Variants in ITM2B observed in about 807,000 individuals in gnomAD.
ITM2B encodes ABri/ADan amyloid peptide.
ITM2B carries 11 observed loss-of-function variants against 27.8 expected under a neutral mutation model. The observed-to-expected ratio is 0.40, with a 90% CI of 0.25 to 0.66. The LOEUF is 0.66. Among genes scored for constraint, ITM2B ranks in the 30% least tolerant of loss-of-function variants. ITM2B has a pLI of 0.43. For missense variants in ITM2B, 296 were observed against 328.9 expected (o/e 0.90, Z 0.77); for synonymous variants, 114 against 114.3 (o/e 1.00, Z 0.02).
intron 5 of ITM2B, among the ~76,000 whole-genome samples, chr13:48,260,766 A>T (rs1195109668): frequency 6.6e-6 from 1 of 152,110 alleles, no homozygotes; most frequent in Non-Finnish European, 1.5e-5. Flanking sequence ...AATTTTTTTT[A>T]AAGTCAGCCT....
intron 1 of ITM2B, among the ~76,000 whole-genome samples, chr13:48,250,884 G>A (rs549438621): frequency 5.9e-5 from 9 of 152,214 alleles, no homozygotes; most frequent in Non-Finnish European, 1.2e-4. Flanking sequence ...TGATGGTGGT[G>A]CATAGGTTTG....
At chr13:48,261,042 A>T (rs1951818709) in intron 5 of ITM2B, 97 bp from the exon 6 acceptor site, 2 of 817,086 alleles carry the variant, frequency 2.4e-6, no homozygotes, top group African/African-American at 3.5e-5. Context: ...TATAGAGTGA[A>T]ATACTTCTAT....
intron 2 of ITM2B, among the ~76,000 whole-genome samples, chr13:48,255,278 C>T (rs868012855): frequency 2.6e-5 from 4 of 151,646 alleles, no homozygotes; most frequent in African/African-American, 7.3e-5. Flanking sequence ...CGTGCGCGCA[C>T]GTGTACATGT....
rs1951861785 is a variant in ITM2B at position 48,267,902 on chromosome 13, G to A, written c.*6678G>A. On this transcript the variant is annotated 3_prime_UTR_variant, in exon 6 of 6. Coordinates refer to ENST00000647800, the MANE Select transcript of ITM2B (RefSeq NM_021999.5). ...TAACCCTTCAGTTTGCTCATATTTT[G>A]TTGTGAGTTTTATAGATAGTTTACA... 6.6e-6 allele frequency: 1 copy of A among 152,058 alleles called. No individual in the cohort carries two copies. The highest frequency in any genetic ancestry group is 1.5e-5 in the Non-Finnish European group (1 of 68,008). 9.4% of individuals were successfully genotyped at this position (152,058 alleles called of 1,614,324 possible).
Position 48,261,269 on chromosome 13 carries a change from A to G in ITM2B, c.*45A>G. The G allele has an allele frequency of 7.9e-7, 1 of 1,267,240 alleles. No homozygotes were observed. The highest frequency in any genetic ancestry group is 1.2e-6 in the Non-Finnish European group (1 of 865,312). 78.5% of individuals were successfully genotyped at this position (1,267,240 alleles called of 1,614,324 possible). A position where few individuals can be genotyped will look rare whatever the true frequency, so the allele number is the denominator to read the frequency against. On this transcript the variant is annotated 3_prime_UTR_variant, in exon 6 of 6. Transcript: ENST00000647800. ...TTGAGGAAAATTAATATCACAGCAT[A>G]ACCCCACCCTTTACATTTTGTGCAG...
chr13:48,233,264 C>T lies in ITM2B; in HGVS notation c.-97C>T, dbSNP rs532372951. The T allele has an allele frequency of 2.8e-6, 2 of 722,794 alleles. No homozygotes were observed. The highest frequency in any genetic ancestry group is 3.9e-5 in the South Asian group (2 of 51,248). 44.8% of individuals were successfully genotyped at this position (722,794 alleles called of 1,614,324 possible). A position where few individuals can be genotyped will look rare whatever the true frequency, so the allele number is the denominator to read the frequency against. ...ACCTCTTCAGCCGCCCGGAGCCGCT[C>T]CCGGAGCCCGGCCGTAGAGGCTGCA... On this transcript the variant is annotated 5_prime_UTR_variant, in exon 1 of 6. Transcript: ENST00000647800.
chr13:48,255,493 C>T (rs1222704733), intron 2 of ITM2B, among the ~76,000 whole-genome samples: 1 of 151,060 alleles, frequency 6.6e-6, no homozygotes, highest in Non-Finnish European at 1.5e-5. Context: ...CAGGGTCTCA[C>T]CATGTTGCCC....
At chr13:48,258,771 T>C (rs1386938686) in intron 4 of ITM2B, 26 bp from the exon 5 acceptor site, 1 of 1,607,766 alleles carries the variant, frequency 6.2e-7, no homozygotes, top group Non-Finnish European at 8.5e-7. Context: ...GAGATAGTCA[T>C]GTCATGTATT....
chr13:48,258,777 G>A lies in ITM2B; in HGVS notation c.565-20G>A, dbSNP rs775381567. 1.1e-5 allele frequency: 18 copies of A among 1,610,100 alleles called. No homozygotes were observed. Among genetic ancestry groups the A allele is most frequent in the Non-Finnish European group, 1.4e-5 (17 of 1,176,548 alleles). On this transcript the variant is annotated intron_variant, in intron 4 of 5. Coordinates refer to ENST00000647800, the MANE Select transcript of ITM2B (RefSeq NM_021999.5). ...GTATGTTCTGAGATAGTCATGTCAT[G>A]TATTCTTTTCTGAATGTAGGCTGGA...
Position 48,263,126 on chromosome 13 carries a change from G to A in ITM2B, c.*1902G>A, listed in dbSNP as rs1306835531. The A allele has an allele frequency of 1.3e-5, 2 of 152,084 alleles. No homozygotes were observed. The highest frequency in any genetic ancestry group is 4.8e-5 in the African/African-American group (2 of 41,406). The allele number at this position is 152,084 out of a possible 1,614,324, so 9.4% of individuals were successfully genotyped here. A position where few individuals can be genotyped will look rare whatever the true frequency, so the allele number is the denominator to read the frequency against. On this transcript the variant is annotated 3_prime_UTR_variant, in exon 6 of 6. Transcript: ENST00000647800. Reference sequence around the variant, plus strand: ...GACCCAAACTTACACTTTACTAAATGTAATTCTTTCATTTGAATTTTTAAA... The same window carrying A: ...GACCCAAACTTACACTTTACTAAATATAATTCTTTCATTTGAATTTTTAAA...
intron 1 of ITM2B, among the ~76,000 whole-genome samples, chr13:48,253,504 A>G (rs921469004): frequency 2.0e-5 from 3 of 152,140 alleles, no homozygotes; most frequent in Non-Finnish European, 4.4e-5. Flanking sequence ...ATATCACCAA[A>G]AGTTGTGCAT....
Position 48,256,366 on chromosome 13 carries a change from G to GT in ITM2B, c.438dup (p.His147SerfsTer2), listed in dbSNP as rs754668102. ...TGCAGATAGTGATCCTGCCAACATT[G>GT]TTCATGACTTTAACAAGGTGAGCCA... On this transcript the variant is annotated frameshift_variant, in exon 3 of 6. Coordinates refer to ENST00000647800, the MANE Select transcript of ITM2B (RefSeq NM_021999.5). LOFTEE classifies it high-confidence loss of function. The GT allele has an allele frequency of 6.2e-7, 1 of 1,613,470 alleles. No individual in the cohort carries two copies. The highest frequency in any genetic ancestry group is 8.5e-7 in the Non-Finnish European group (1 of 1,179,484).
rs1247312102 is a variant in ITM2B at position 48,270,031 on chromosome 13, C to T, written c.*8807C>T. On this transcript the variant is annotated 3_prime_UTR_variant, in exon 6 of 6. Transcript: ENST00000647800. Reference sequence around the variant, plus strand: ...CCAGAAGGTGGTCATTTCCATAGCCCATGTGGAATGAGATGTCCACTAGGG... The same window carrying T: ...CCAGAAGGTGGTCATTTCCATAGCCTATGTGGAATGAGATGTCCACTAGGG... 6.6e-6 allele frequency: 1 copy of T among 152,194 alleles called. No individual in the cohort carries two copies. The highest frequency in any genetic ancestry group is 2.4e-5 in the African/African-American group (1 of 41,440). The allele number at this position is 152,194 out of a possible 1,614,324, so 9.4% of individuals were successfully genotyped here.
chr13:48,239,049 A>G lies in ITM2B; in HGVS notation c.117+5572A>G, dbSNP rs9332260. Among the ~76,000 whole-genome samples the G allele has an allele frequency of 2.7e-3, 417 of 152,350 alleles. 4 individuals carry two copies. The highest frequency in any genetic ancestry group is 9.6e-3 in the African/African-American group (400 of 41,592). ...TAAAAGATGCATTGTTAATTAAATC[A>G]CTTGAATCTCTGCAGTATCCAAAAG... On this transcript the variant is annotated intron_variant, in intron 1 of 5. Transcript: ENST00000647800.
chr13:48,234,557 A>T (rs1020197696), intron 1 of ITM2B, among the ~76,000 whole-genome samples: 1 of 152,154 alleles, frequency 6.6e-6, no homozygotes, highest in Non-Finnish European at 1.5e-5. Flanking sequence ...TTTTATATGG[A>T]CGAATGAAAA....
intron 1 of ITM2B, among the ~76,000 whole-genome samples, chr13:48,252,268 G>A (rs1037464246): frequency 1.3e-5 from 2 of 152,116 alleles, no homozygotes; most frequent in Non-Finnish European, 2.9e-5. Context: ...GGTTTCATTC[G>A]TAACTGAATT....
chr13:48,250,933 T>G (rs941981217), intron 1 of ITM2B, among the ~76,000 whole-genome samples: 21 of 152,218 alleles, frequency 1.4e-4, no homozygotes, highest in Admixed American at 2.0e-4. Context: ...CTTGTTTATT[T>G]CCTGATTCTT....
Position 48,246,299 on chromosome 13 carries a change from G to C in ITM2B, c.118-7509G>C, listed in dbSNP as rs1951724314. On this transcript the variant is annotated intron_variant, in intron 1 of 5. Transcript: ENST00000647800. ...CTTTCTGTGTAATGCCAGACACTAG[G>C]AAAACTGCTTCCTTTTTATGTGTCA... Among the ~76,000 whole-genome samples, 3 of 152,170 alleles carry C rather than the reference G, an allele frequency of 2.0e-5. No individual in the cohort carries two copies. The South Asian group carries it at 6.2e-4, about 32-fold the overall frequency.
At position 48,269,338 on chromosome 13, in the gene ITM2B, G is replaced by A. The variant is rs1424929629; in HGVS notation, c.*8114G>A. 6.6e-6 allele frequency: 1 copy of A among 152,142 alleles called. No individual in the cohort carries two copies. The highest frequency in any genetic ancestry group is 1.9e-4 in the East Asian group (1 of 5,200). 9.4% of individuals were successfully genotyped at this position (152,142 alleles called of 1,614,324 possible). On this transcript the variant is annotated 3_prime_UTR_variant, in exon 6 of 6. Transcript: ENST00000647800. ...ATCTCTTGCTTGGATTGGTGCAATGGCCTCACAACTGATCTTCCTGCTTCC... is the reference window on the plus strand; with the variant it reads ...ATCTCTTGCTTGGATTGGTGCAATGACCTCACAACTGATCTTCCTGCTTCC...
Sources: gnomAD v4.1 joint callset for allele counts (sites outside exome capture counted in the v4.1 genomes callset) on GRCh38, gnomAD v4.1.1 for gene constraint, MANE v1.5 for transcripts, NCBI Gene and HGNC (gene_info 2026-07-23, HGNC 2026-07-21) for gene names.